The following NCOA2 variants were observed in gnomAD, a reference collection of about 807,000 sequenced individuals.
NCOA2 encodes the protein class E basic helix-loop-helix protein 75.
A neutral mutation model predicts 145.1 loss-of-function variants in NCOA2; 21 were observed. The observed-to-expected ratio is 0.14, with a 90% CI of 0.10 to 0.21. NCOA2 has a LOEUF of 0.21. Among genes scored for constraint, NCOA2 ranks in the 10% least tolerant of loss-of-function variants. The pLI is 1.00. For synonymous variants in NCOA2, 619 were observed against 637.5 expected (o/e 0.97, Z 0.44); for missense variants, 1,472 against 1,837.6 (o/e 0.80, Z 3.64).
At chr8:70,160,345 T>C (rs1005907925) in intron 9 of NCOA2, among the ~76,000 whole-genome samples, 12 of 152,142 alleles carry the variant, frequency 7.9e-5, no homozygotes, top group African/African-American at 2.9e-4. Flanking sequence ...AGATAAGGGA[T>C]CAGGTGTTTC....
intron 4 of NCOA2, among the ~76,000 whole-genome samples, chr8:70,201,811 G>A (rs2133559899): frequency 6.6e-6 from 1 of 152,290 alleles, no homozygotes; most frequent in South Asian, 2.1e-4. Flanking sequence ...AGGGGGACAT[G>A]AGAAACGACT....
chr8:70,273,408 C>T (rs1825220549), intron 2 of NCOA2: 1 of 764,800 alleles, frequency 1.3e-6, no homozygotes, highest in East Asian at 3.7e-5. Context: ...GAAAAACTCG[C>T]CAAACTGCAG....
intron 9 of NCOA2, among the ~76,000 whole-genome samples, chr8:70,160,696 A>AGAGAGAGAGAGAGAGG (rs1331894915): frequency 1.4e-4 from 20 of 138,440 alleles, no homozygotes; most frequent in African/African-American, 4.7e-4. Flanking sequence ...AGAGAGAGAG[A>AGAGAGAGAGAGAGAGG]GAGAGACTGA....
intron 4 of NCOA2, among the ~76,000 whole-genome samples, chr8:70,177,704 T>G (rs151106711): frequency 4.6e-5 from 7 of 151,676 alleles, no homozygotes; most frequent in Middle Eastern, 3.4e-3. Flanking sequence ...CCTATTATTC[T>G]CTCAGGATCC....
chr8:70,385,954 G>A (rs1812620229), intron 1 of NCOA2, among the ~76,000 whole-genome samples: 1 of 152,152 alleles, frequency 6.6e-6, no homozygotes. Context: ...AGTTACTTTA[G>A]TGCACGGTTT....
intron 1 of NCOA2, among the ~76,000 whole-genome samples, chr8:70,400,445 T>C (rs11989173): frequency 0.055 from 8,332 of 152,240 alleles, 303 homozygotes; most frequent in East Asian, 0.16. Flanking sequence ...ACCAAGAATC[T>C]TACCACATTT....
chr8:70,157,676 C>G (rs551865827), intron 10 of NCOA2, among the ~76,000 whole-genome samples: 1 of 152,252 alleles, frequency 6.6e-6, no homozygotes, highest in African/African-American at 2.4e-5. Context: ...GCCCAGAGCT[C>G]TGATATTTAC....
the NCOA2 span, chr8:70,424,482 G>A: frequency 1.3e-4 from 67 of 522,556 alleles, no homozygotes; most frequent in Non-Finnish European, 1.5e-4. Context: ...CACCCTCAAT[G>A]GCAGTGATGG....
At chr8:70,405,157 G>C (rs1217626653), upstream of NCOA2, among the ~76,000 whole-genome samples, 1 of 152,180 alleles carries the variant, frequency 6.6e-6, no homozygotes, top group Non-Finnish European at 1.5e-5. Flanking sequence ...TGTGAGCCCA[G>C]TTCTGGTGAG....
At chr8:70,129,814 G>A (rs1808882600) in intron 16 of NCOA2, among the ~76,000 whole-genome samples, 1 of 152,182 alleles carries the variant, frequency 6.6e-6, no homozygotes, top group Admixed American at 6.5e-5. Flanking sequence ...GGGATCACAG[G>A]CATGCGCCAC....
At chr8:70,370,423 A>G (rs970542009) in intron 1 of NCOA2, among the ~76,000 whole-genome samples, 2 of 152,210 alleles carry the variant, frequency 1.3e-5, no homozygotes, top group African/African-American at 4.8e-5. Flanking sequence ...TTTTCTTGAC[A>G]TATTTATTTC....
intron 2 of NCOA2, among the ~76,000 whole-genome samples, chr8:70,284,524 G>A (rs542041021): frequency 1.3e-5 from 2 of 152,300 alleles, no homozygotes; most frequent in East Asian, 1.9e-4. Context: ...GCTAGAAAGG[G>A]AAGACTATAA....
chr8:70,411,765 G>T, the NCOA2 span, among the ~76,000 whole-genome samples: 1 of 152,194 alleles, frequency 6.6e-6, no homozygotes, highest in Non-Finnish European at 1.5e-5. Context: ...TTTACATAAA[G>T]GTCAGACAGG....
intron 2 of NCOA2, among the ~76,000 whole-genome samples, chr8:70,280,891 G>A (rs1825820239): frequency 6.6e-6 from 1 of 151,728 alleles, no homozygotes; most frequent in Non-Finnish European, 1.5e-5. Flanking sequence ...ACTCATACAC[G>A]ATCTTAAGAA....
chr8:70,127,127 C>T, intron 18 of NCOA2, 80 bp from the exon 19 acceptor site: 1 of 989,842 alleles, frequency 1.0e-6, no homozygotes, highest in Non-Finnish European at 1.6e-6. Context: ...TATAGAGAGG[C>T]TAGCAAATGG....
the NCOA2 span, among the ~76,000 whole-genome samples, chr8:70,411,906 C>T: frequency 6.6e-6 from 1 of 152,180 alleles, no homozygotes; most frequent in African/African-American, 2.4e-5. Flanking sequence ...GTGGAGGTTA[C>T]ATGGACATGT....
At chr8:70,438,941 C>T in the NCOA2 span, among the ~76,000 whole-genome samples, 2 of 152,262 alleles carry the variant, frequency 1.3e-5, no homozygotes, top group African/African-American at 2.4e-5. Context: ...CTGCATTGTC[C>T]TCTTTCTATC....
intron 2 of NCOA2, among the ~76,000 whole-genome samples, chr8:70,231,322 G>A (rs1399689082): frequency 2.0e-5 from 3 of 152,156 alleles, no homozygotes; most frequent in Admixed American, 6.6e-5. Context: ...AATTGTTTTA[G>A]CACTTCATTT....
intron 2 of NCOA2, among the ~76,000 whole-genome samples, chr8:70,296,440 C>G (rs146129286): frequency 1.8e-3 from 272 of 152,198 alleles, no homozygotes; most frequent in Admixed American, 4.0e-3. Flanking sequence ...ATATAATAAA[C>G]ATTTTGTCAG....
Sources: gnomAD v4.1 joint callset for allele counts (sites outside exome capture counted in the v4.1 genomes callset) on GRCh38, gnomAD v4.1.1 for gene constraint, MANE v1.5 for transcripts, NCBI Gene and HGNC (gene_info 2026-07-23, HGNC 2026-07-21) for gene names.